The following CNTLN variants were observed in gnomAD, a reference collection of about 807,000 sequenced individuals.
CNTLN encodes the protein centlein.
CNTLN carries 212 observed loss-of-function variants against 180.0 expected under a neutral mutation model. The observed-to-expected ratio is 1.18, with a 90% confidence interval of 1.05 to 1.32. The LOEUF (loss-of-function observed/expected upper bound fraction) is 1.32. Among genes scored for constraint, CNTLN ranks in the 40% most tolerant of loss-of-function variants. The pLI, the probability that CNTLN is intolerant of heterozygous loss-of-function variation, is 0.00. For missense variants in CNTLN, 2,095 were observed against 1,610.9 expected, an observed-to-expected ratio of 1.30 and a Z score of -5.14; for synonymous variants, 722 against 563.1, an observed-to-expected ratio of 1.28 and a Z score of -3.99.
At chr9:17,301,244 T>G (rs1247287950) in intron 7 of CNTLN, 46 of 985,346 alleles carry the variant, frequency 4.7e-5, no homozygotes, top group Non-Finnish European at 5.5e-5. Context: ...TATGCCCCTA[T>G]TTGGCGAACT....
intron 5 of CNTLN, among the ~76,000 whole-genome samples, chr9:17,255,871 T>A (rs1317476187): frequency 1.3e-5 from 2 of 151,938 alleles, no homozygotes; most frequent in Non-Finnish European, 2.9e-5. Flanking sequence ...TTTTCATATT[T>A]CAGTTTTCAT....
intron 12 of CNTLN, among the ~76,000 whole-genome samples, chr9:17,356,559 C>G (rs1314267091): frequency 1.3e-5 from 2 of 152,042 alleles, no homozygotes; most frequent in Non-Finnish European, 2.9e-5. Context: ...ACCGTTATAG[C>G]TAAGAAAATA....
intron 13 of CNTLN, among the ~76,000 whole-genome samples, chr9:17,367,079 A>T (rs1823887014): frequency 1.3e-5 from 2 of 152,202 alleles, no homozygotes; most frequent in Non-Finnish European, 2.9e-5. Flanking sequence ...CAAATGACTG[A>T]AAGAGGCACT....
At chr9:17,424,019 C>G (rs114200668) in intron 18 of CNTLN, among the ~76,000 whole-genome samples, 2,075 of 152,226 alleles carry the variant, frequency 0.014, 47 homozygotes, top group African/African-American at 0.048. Context: ...TAGGAAGGTG[C>G]TTTCTTCCCT....
At chr9:17,343,851 C>T (rs1360707121) in intron 12 of CNTLN, among the ~76,000 whole-genome samples, 1 of 152,132 alleles carries the variant, frequency 6.6e-6, no homozygotes, top group Non-Finnish European at 1.5e-5. Flanking sequence ...CCCATCCATC[C>T]TGCCCAGCCC....
intron 6 of CNTLN, among the ~76,000 whole-genome samples, chr9:17,297,379 A>G (rs1051265950): frequency 2.0e-5 from 3 of 152,218 alleles, no homozygotes; most frequent in African/African-American, 7.2e-5. Flanking sequence ...ACTACTGTTT[A>G]TAGTATATTT....
chr9:17,331,859 GTTGC>G (rs1820666054), intron 9 of CNTLN, among the ~76,000 whole-genome samples: 1 of 151,966 alleles, frequency 6.6e-6, no homozygotes, highest in Non-Finnish European at 1.5e-5. Context: ...GCCTAATTTG[GTTGC>G]TTGCTCGATT....
chr9:17,407,290 C>G (rs917793811), intron 15 of CNTLN, among the ~76,000 whole-genome samples: 1 of 152,170 alleles, frequency 6.6e-6, no homozygotes, highest in African/African-American at 2.4e-5. Flanking sequence ...TAAAAGAATA[C>G]TTTGTGAATG....
At chr9:17,135,557 T>C (rs1817652799) in intron 1 of CNTLN, 132 bp downstream of exon 1, 1 of 1,221,838 alleles carries the variant, frequency 8.2e-7, no homozygotes, top group Admixed American at 3.1e-5. Flanking sequence ...CACACCCTGC[T>C]TCGCTCGCGG....
Position 17,309,698 on chromosome 9 carries a change from A to G in CNTLN, c.1341+446A>G, listed in dbSNP as rs111717158. 7.2e-5 allele frequency among the ~76,000 whole-genome samples: 11 copies of G among 152,230 alleles called. 1 individual carries two copies. The highest frequency in any genetic ancestry group is 2.6e-4 in the African/African-American group (11 of 41,582). Reference sequence around the variant, plus strand: ...TAACATGATTTTGGACAGGTCATGTAACCTTTCTTACTATTTCCTGTGGTA... The same window carrying G: ...TAACATGATTTTGGACAGGTCATGTGACCTTTCTTACTATTTCCTGTGGTA... On this transcript the variant is annotated intron_variant, in intron 8 of 25. Coordinates refer to ENST00000380647, the MANE Select transcript of CNTLN (RefSeq NM_017738.4).
intron 16 of CNTLN, among the ~76,000 whole-genome samples, chr9:17,412,159 C>T (rs1410663054): frequency 6.6e-6 from 1 of 152,082 alleles, no homozygotes; most frequent in Non-Finnish European, 1.5e-5. Flanking sequence ...AATAAGGTGG[C>T]CCTCTCCAAC....
intron 13 of CNTLN, among the ~76,000 whole-genome samples, chr9:17,378,265 C>A (rs978394992): frequency 1.3e-5 from 2 of 152,074 alleles, no homozygotes; most frequent in African/African-American, 4.8e-5. Context: ...TTGCAACCTC[C>A]GATTCCCTGG....
intron 25 of CNTLN, among the ~76,000 whole-genome samples, chr9:17,491,425 G>A (rs1490380604): frequency 6.6e-6 from 1 of 152,024 alleles, no homozygotes; most frequent in African/African-American, 2.4e-5. Context: ...TGGGTGGGTA[G>A]ATACATTAAA....
chr9:17,153,026 C>G (rs1185449843), intron 2 of CNTLN, among the ~76,000 whole-genome samples: 4 of 152,130 alleles, frequency 2.6e-5, no homozygotes, highest in East Asian at 1.9e-4. Context: ...ATTCTTCCAT[C>G]CCTGTATTTT....
rs139808500 is a variant in CNTLN, at chr9:17,357,743, C to A, written c.1887-8874C>A. On this transcript the variant is annotated intron_variant, in intron 12 of 25. Transcript: ENST00000380647. ...TACTTTCCATAAGTCAATTTTGTCA[C>A]ACGAACTCATTCTATTTGATAGTAT... Among the ~76,000 whole-genome samples the A allele has an allele frequency of 4.0e-5, 6 of 151,316 alleles. No homozygotes were observed. In the East Asian group the frequency reaches 9.7e-4, roughly 24 times the overall value.
At chr9:17,411,794 C>A (rs1827862860) in intron 16 of CNTLN, among the ~76,000 whole-genome samples, 1 of 152,054 alleles carries the variant, frequency 6.6e-6, no homozygotes, top group African/African-American at 2.4e-5. Context: ...CCGACCCACT[C>A]CACCCCCTAT....
At chr9:17,383,439 T>C (rs1032466983) in intron 13 of CNTLN, among the ~76,000 whole-genome samples, 2 of 151,756 alleles carry the variant, frequency 1.3e-5, no homozygotes, top group African/African-American at 4.8e-5. Flanking sequence ...ACTTGAGCTC[T>C]GGAGGCGGAG....
At chr9:17,295,380 A>C (rs1817811832) in intron 6 of CNTLN, among the ~76,000 whole-genome samples, 2 of 152,200 alleles carry the variant, frequency 1.3e-5, no homozygotes, top group South Asian at 2.1e-4. Flanking sequence ...CTGCCAGCAC[A>C]CTGGCACCTC....
chr9:17,266,216 C>A (rs964156306), intron 5 of CNTLN, among the ~76,000 whole-genome samples: 1 of 152,108 alleles, frequency 6.6e-6, no homozygotes, highest in Non-Finnish European at 1.5e-5. Context: ...TGAATGTGTT[C>A]CAGAGATTCT....
Sources: gnomAD v4.1 joint callset for allele counts (sites outside exome capture counted in the v4.1 genomes callset) on GRCh38, gnomAD v4.1.1 for gene constraint, MANE v1.5 for transcripts, NCBI Gene and HGNC (gene_info 2026-07-23, HGNC 2026-07-21) for gene names.